Variants in GNB1 observed in about 807,000 individuals in gnomAD.
The protein encoded by GNB1 is guanine nucleotide-binding protein G(I)/G(S)/G(T) subunit beta-1.
In GNB1, 2 loss-of-function variants were observed where a neutral mutation model predicts 42.9. The observed-to-expected ratio is 0.05, with a 90% CI of 0.02 to 0.15. The LOEUF (loss-of-function observed/expected upper bound fraction) is 0.15, where lower values mean the gene tolerates loss of function less well. Ranked by LOEUF, GNB1 falls within the 10% of genes least tolerant of loss-of-function variation. GNB1 has a pLI of 1.00. For synonymous variants in GNB1, 183 were observed against 174.7 expected, an observed-to-expected ratio of 1.05 and a Z score of -0.38; for missense variants, 193 against 462.2, an observed-to-expected ratio of 0.42 and a Z score of 5.34.
At chr1:1,842,920 T>C (rs1051667135) in intron 1 of GNB1, among the ~76,000 whole-genome samples, 5 of 152,154 alleles carry the variant, frequency 3.3e-5, no homozygotes, top group African/African-American at 7.2e-5. Context: ...ACCCGAAAAG[T>C]GCCACCAAAT....
rs544153544 is a variant in GNB1 at position 1,785,966 on chromosome 1, A to G, written c.*1097T>C. On this transcript the variant is annotated 3_prime_UTR_variant, in exon 12 of 12. Coordinates refer to ENST00000378609, the MANE Select transcript of GNB1 (RefSeq NM_002074.5). Reference sequence around the variant, plus strand: ...TAAGAGGTTATTTCTTAAAAGAAAAAGAACACCTAAGGACTGAGTCCCATA... The same window carrying G: ...TAAGAGGTTATTTCTTAAAAGAAAAGGAACACCTAAGGACTGAGTCCCATA... The G allele has an allele frequency of 8.3e-5, 33 of 398,956 alleles. No homozygotes were observed. The Middle Eastern group carries it at 1.9e-3, about 23-fold the overall frequency. The allele number at this position is 398,956 out of a possible 1,614,324, so 24.7% of individuals were successfully genotyped here. A position where few individuals can be genotyped will look rare whatever the true frequency, so the allele number is the denominator to read the frequency against.
chr1:1,843,838 TC>T (rs980693633), intron 1 of GNB1, among the ~76,000 whole-genome samples: 1 of 151,996 alleles, frequency 6.6e-6, no homozygotes, highest in Non-Finnish European at 1.5e-5. Flanking sequence ...GGCGGGTGGA[TC>T]ACCTGAGGTC....
intron 2 of GNB1, among the ~76,000 whole-genome samples, chr1:1,828,075 C>T (rs551868199): frequency 6.6e-6 from 1 of 152,210 alleles, no homozygotes; most frequent in Non-Finnish European, 1.5e-5. Flanking sequence ...AATCCCAGCA[C>T]TTTGGGAGGC....
At chr1:1,853,454 T>C (rs956228648) in intron 1 of GNB1, among the ~76,000 whole-genome samples, 2 of 152,208 alleles carry the variant, frequency 1.3e-5, no homozygotes, top group African/African-American at 2.4e-5. Flanking sequence ...TGCCGAACTC[T>C]GACCACTAGT....
At chr1:1,854,693 G>A (rs1277599281) in intron 1 of GNB1, among the ~76,000 whole-genome samples, 1 of 152,148 alleles carries the variant, frequency 6.6e-6, no homozygotes, top group South Asian at 2.1e-4. Flanking sequence ...GATTGCTTAA[G>A]CCCAGGAGTT....
At chr1:1,825,218 CA>C (rs911230445) in intron 3 of GNB1, 178 bp downstream of exon 3, 17 of 586,040 alleles carry the variant, frequency 2.9e-5, no homozygotes, top group Non-Finnish European at 4.6e-5. Flanking sequence ...AGCAAAATCC[CA>C]AAAACAATGT....
intron 2 of GNB1, among the ~76,000 whole-genome samples, chr1:1,834,497 G>C (rs1464307896): frequency 6.6e-6 from 1 of 152,026 alleles, no homozygotes; most frequent in African/African-American, 2.4e-5. Flanking sequence ...AACATGTTGA[G>C]GCCAAATTGG....
At chr1:1,800,399 GGATAGCCTTA>G (rs750744806) in intron 7 of GNB1, among the ~76,000 whole-genome samples, 2 of 152,214 alleles carry the variant, frequency 1.3e-5, no homozygotes, top group Non-Finnish European at 2.9e-5. Context: ...AGAACCTGCT[GGATAGCCTTA>G]GTTTATCAGA....
chr1:1,880,845 G>A (rs1347481215), intron 1 of GNB1, among the ~76,000 whole-genome samples: 1 of 152,138 alleles, frequency 6.6e-6, no homozygotes, highest in African/African-American at 2.4e-5. Context: ...TACCGTTTTA[G>A]GGGCTGGTCT....
At position 1,830,291 on chromosome 1, in the gene GNB1, T is replaced by C. The variant is rs147138926; in HGVS notation, c.-46-4792A>G. 8.3e-3 allele frequency among the ~76,000 whole-genome samples: 1,257 copies of C among 151,818 alleles called. 20 individuals carry two copies. Among genetic ancestry groups the C allele is most frequent in the African/African-American group, 0.029 (1,206 of 41,392 alleles). On this transcript the variant is annotated intron_variant, in intron 2 of 11. Transcript: ENST00000378609. The stretch of plus-strand genomic sequence containing the variant: ...TTTTTTTTTTTTTGAGATGGAGTCT[T>C]GCTCCGTCGCCCAGGCTGGAGTGCA...
intron 1 of GNB1, among the ~76,000 whole-genome samples, chr1:1,886,389 C>G (rs1650158463): frequency 6.6e-6 from 1 of 152,146 alleles, no homozygotes; most frequent in Non-Finnish European, 1.5e-5. Context: ...TCTATTTCTT[C>G]AATCAAAGTT....
chr1:1,826,606 G>C (rs1314206984), intron 2 of GNB1, among the ~76,000 whole-genome samples: 5 of 152,030 alleles, frequency 3.3e-5, no homozygotes, highest in African/African-American at 1.2e-4. Flanking sequence ...TGAGCACACA[G>C]GGTGTGTCCA....
intron 1 of GNB1, among the ~76,000 whole-genome samples, chr1:1,845,401 G>A (rs571035671): frequency 6.6e-5 from 10 of 152,122 alleles, no homozygotes; most frequent in South Asian, 2.1e-4. Context: ...GTGAAACCCC[G>A]TCTCTACTAA....
At chr1:1,791,381 G>T (rs1473535920) in intron 8 of GNB1, among the ~76,000 whole-genome samples, 1 of 151,996 alleles carries the variant, frequency 6.6e-6, no homozygotes, top group Non-Finnish European at 1.5e-5. Context: ...CTCCATATTG[G>T]TCAGACTGGT....
intron 2 of GNB1, among the ~76,000 whole-genome samples, chr1:1,833,984 C>G (rs1647111353): frequency 6.6e-6 from 1 of 152,148 alleles, no homozygotes. Context: ...CACTCCAGGA[C>G]AGACGACCAG....
rs370819813 is a variant in GNB1, at chr1:1,869,960, T to G, written c.-96+20860A>C. Among the ~76,000 whole-genome samples, 9 of 152,232 alleles carry G rather than the reference T, an allele frequency of 5.9e-5. No homozygotes were observed. The East Asian group carries it at 1.7e-3, about 29-fold the overall frequency. ...TCACTGCAACCTCCACCTCCTGGGT[T>G]CAAGAGATTCTCCTGCCTTAGCCTC... On this transcript the variant is annotated intron_variant, in intron 1 of 11. Transcript: ENST00000378609.
intron 5 of GNB1, among the ~76,000 whole-genome samples, chr1:1,812,003 T>C (rs924377399): frequency 6.6e-6 from 1 of 151,894 alleles, no homozygotes; most frequent in Non-Finnish European, 1.5e-5. Flanking sequence ...GAGGCAGAGC[T>C]TGCAGTGAGC....
At chr1:1,880,456 G>T (rs1029140312) in intron 1 of GNB1, among the ~76,000 whole-genome samples, 1 of 151,930 alleles carries the variant, frequency 6.6e-6, no homozygotes, top group Admixed American at 6.6e-5. Flanking sequence ...GGCGTGGTGG[G>T]GGGTGCCTGT....
chr1:1,883,861 T>C (rs1188407624), intron 1 of GNB1, among the ~76,000 whole-genome samples: 1 of 152,204 alleles, frequency 6.6e-6, no homozygotes, highest in Admixed American at 6.5e-5. Flanking sequence ...ACTGAATTTC[T>C]CTCACTCCCT....
Sources: allele counts gnomAD v4.1 joint callset (sites outside exome capture counted in the v4.1 genomes callset), GRCh38; gene constraint gnomAD v4.1.1; transcripts MANE v1.5; gene names NCBI Gene and HGNC (gene_info 2026-07-23, HGNC 2026-07-21).